The following TSHR variants were observed in gnomAD, a reference collection of about 807,000 sequenced individuals.
TSHR encodes the protein thyrotropin receptor.
A neutral mutation model predicts 64.1 loss-of-function variants in TSHR; 51 were observed. The ratio of observed to expected loss-of-function variants is 0.80; its 90% CI spans 0.64 to 1.01. TSHR has a LOEUF of 1.01. Ranked by LOEUF, TSHR falls within the 50% of genes least tolerant of loss-of-function variation. The pLI, the probability that TSHR is intolerant of heterozygous loss-of-function variation, is 0.00. For missense variants in TSHR, 877 were observed against 942.8 expected (o/e 0.93, Z 0.91); for synonymous variants, 361 against 361.9 (o/e 1.00, Z 0.03).
intron 8 of TSHR, among the ~76,000 whole-genome samples, chr14:81,110,480 T>C (rs867998656): frequency 6.6e-6 from 1 of 152,346 alleles, no homozygotes; most frequent in South Asian, 2.1e-4. Flanking sequence ...CCAAACTTGC[T>C]GACACTTTGA....
At position 81,050,304 on chromosome 14, in the gene TSHR, A is replaced by AT. The variant is rs1187952589; in HGVS notation, c.171-11838dup. 6 of 152,186 alleles carry AT rather than the reference A, an allele frequency of 3.9e-5. No homozygotes were observed. The East Asian group carries it at 1.2e-3, about 29-fold the overall frequency. The allele number at this position is 152,186 out of a possible 1,614,324, so 9.4% of individuals were successfully genotyped here. On this transcript the variant is annotated intron_variant, in intron 1 of 9. Transcript: ENST00000298171. ...AGTGTTCAGACCTTCAGGCAAGGTCATTTTTTGTATGAAACAACAATACTA... is the reference window on the plus strand; with the variant it reads ...AGTGTTCAGACCTTCAGGCAAGGTCATTTTTTTGTATGAAACAACAATACTA...
intron 1 of TSHR, among the ~76,000 whole-genome samples, chr14:80,997,726 C>A (rs1316372267): frequency 6.6e-6 from 1 of 152,138 alleles, no homozygotes; most frequent in Admixed American, 6.5e-5. Flanking sequence ...AATATACAGA[C>A]AAATATAGTT....
intron 3 of TSHR, among the ~76,000 whole-genome samples, chr14:81,082,505 C>T (rs1450711352): frequency 6.6e-6 from 1 of 152,186 alleles, no homozygotes; most frequent in Non-Finnish European, 1.5e-5. Context: ...AGTCTTTGGA[C>T]ATTGAGTCTG....
intron 1 of TSHR, among the ~76,000 whole-genome samples, chr14:81,031,951 C>A (rs1336696459): frequency 6.6e-6 from 1 of 152,192 alleles, no homozygotes; most frequent in Admixed American, 6.5e-5. Context: ...ATTCTTCCAC[C>A]AGATGCATAG....
In TSHR at chr14:81,068,467, T is replaced by C. The variant is rs1486513131; in HGVS notation, c.317+139T>C. 3 of 734,354 alleles carry C rather than the reference T, an allele frequency of 4.1e-6. No homozygotes were observed. In the African/African-American group the frequency reaches 5.2e-5, roughly 13 times the overall value. 45.5% of individuals were successfully genotyped at this position (734,354 alleles called of 1,614,324 possible). ...TGTTTATGATTAAATTATTAACCTG[T>C]TCTCATTCTCAGTTCATGTTAATTC... On this transcript the variant is annotated intron_variant, in intron 3 of 9. Coordinates refer to ENST00000298171, the MANE Select transcript of TSHR (RefSeq NM_000369.5).
At chr14:81,028,331 G>T (rs377555432) in intron 1 of TSHR, among the ~76,000 whole-genome samples, 1 of 151,976 alleles carries the variant, frequency 6.6e-6, no homozygotes, top group Non-Finnish European at 1.5e-5. Context: ...TCGCAAAATA[G>T]TAAACAATTA....
intron 7 of TSHR, among the ~76,000 whole-genome samples, chr14:81,107,788 AT>A (rs943337064): frequency 4.6e-5 from 7 of 152,152 alleles, no homozygotes; most frequent in Non-Finnish European, 8.8e-5. Flanking sequence ...TAATATAAAT[AT>A]TTTTTAAATT....
intron 1 of TSHR, among the ~76,000 whole-genome samples, chr14:81,020,436 C>G (rs1566766390): frequency 6.6e-6 from 1 of 152,160 alleles, no homozygotes; most frequent in Non-Finnish European, 1.5e-5. Context: ...TGCCTCCTGT[C>G]AGATCAGCAG....
intron 1 of TSHR, among the ~76,000 whole-genome samples, chr14:80,974,053 G>A (rs74980440): frequency 1.3e-5 from 2 of 152,166 alleles, no homozygotes; most frequent in African/African-American, 2.4e-5. Context: ...GTGATTATAC[G>A]GAGCTCATGA....
At chr14:80,977,189 C>T (rs1394603906) in intron 1 of TSHR, among the ~76,000 whole-genome samples, 2 of 152,186 alleles carry the variant, frequency 1.3e-5, no homozygotes, top group South Asian at 2.1e-4. Flanking sequence ...ACTTTCAAAT[C>T]CTCCAGCTAG....
chr14:81,044,673 A>C lies in TSHR; in HGVS notation c.171-17475A>C, dbSNP rs4899785. Among the ~76,000 whole-genome samples the C allele has an allele frequency of 7.1e-3, 979 of 137,450 alleles. 14 individuals carry two copies. The highest frequency in any genetic ancestry group is 0.022 in the African/African-American group (861 of 39,168). The allele number at this position is 137,450 out of a possible 152,430, so 90.2% of individuals were successfully genotyped here. A position where few individuals can be genotyped will look rare whatever the true frequency, so the allele number is the denominator to read the frequency against. On this transcript the variant is annotated intron_variant, in intron 1 of 9. Transcript: ENST00000298171. ...ACTCTGTCTCAAAAAAAAAAAAAAA[A>C]ACACACACACACATGCACAATGAGA... is the stretch of plus-strand genomic sequence containing the variant.
At chr14:81,026,346 ATGTG>A (rs1884051417) in intron 1 of TSHR, among the ~76,000 whole-genome samples, 1 of 152,292 alleles carries the variant, frequency 6.6e-6, no homozygotes, top group Non-Finnish European at 1.5e-5. Context: ...ACTTGTGTGT[ATGTG>A]TGTGTGTATA....
intron 2 of TSHR, among the ~76,000 whole-genome samples, chr14:81,063,860 A>T (rs1886413409): frequency 6.7e-6 from 1 of 149,722 alleles, no homozygotes; most frequent in Non-Finnish European, 1.5e-5. Context: ...AGACTTCCTG[A>T]AAAAAAAAAT....
chr14:80,989,423 C>T lies in TSHR; in HGVS notation c.170+33573C>T, dbSNP rs115716304. ...AAATTTTTAACATGGCAGTCGACAT[C>T]TTCCATTTCTGATTTACCAACCTCT... On this transcript the variant is annotated intron_variant, in intron 1 of 9. Transcript: ENST00000298171. Among the ~76,000 whole-genome samples the T allele has an allele frequency of 5.9e-3, 903 of 152,310 alleles. 8 individuals are homozygous for T. The highest frequency in any genetic ancestry group is 0.021 in the African/African-American group (859 of 41,556).
chr14:81,031,741 G>C (rs1259623923), intron 1 of TSHR, among the ~76,000 whole-genome samples: 3 of 152,140 alleles, frequency 2.0e-5, no homozygotes, highest in Admixed American at 6.6e-5. Context: ...CAGCAAACTA[G>C]CCACACAAAC....
intron 1 of TSHR, among the ~76,000 whole-genome samples, chr14:81,000,252 C>CAGA (rs1889244358): frequency 1.6e-5 from 1 of 61,006 alleles, no homozygotes; most frequent in South Asian, 5.2e-4. Flanking sequence ...ACTCCTAAGA[C>CAGA]AACTGACATT....
chr14:81,138,947 C>T (rs1431312498), intron 8 of TSHR, among the ~76,000 whole-genome samples: 1 of 152,206 alleles, frequency 6.6e-6, no homozygotes, highest in African/African-American at 2.4e-5. Flanking sequence ...GAATGCCACA[C>T]TAATGCCACG....
chr14:80,967,100 A>T (rs944445357), intron 1 of TSHR, among the ~76,000 whole-genome samples: 62 of 151,812 alleles, frequency 4.1e-4, no homozygotes, highest in African/African-American at 1.4e-3. Flanking sequence ...AGAAAATGAC[A>T]TTTGAATAAG....
At chr14:81,064,300 A>G (rs1036305163) in intron 2 of TSHR, among the ~76,000 whole-genome samples, 1 of 152,112 alleles carries the variant, frequency 6.6e-6, no homozygotes, top group African/African-American at 2.4e-5. Context: ...TAAATAAGGG[A>G]GGGCTGATCA....
Sources: gnomAD v4.1 joint callset for allele counts (sites outside exome capture counted in the v4.1 genomes callset) on GRCh38, gnomAD v4.1.1 for gene constraint, MANE v1.5 for transcripts, NCBI Gene and HGNC (gene_info 2026-07-23, HGNC 2026-07-21) for gene names.